NCLN: variants seen among roughly 807,000 people sequenced by gnomAD.
NCLN encodes nicalin.
A neutral mutation model predicts 69.5 loss-of-function variants in NCLN; 34 were observed. The ratio of observed to expected loss-of-function variants is 0.49; its 90% confidence interval spans 0.37 to 0.65. The LOEUF is 0.65. NCLN is among the 30% of genes least tolerant of loss of function. The probability of loss-of-function intolerance (pLI) is 0.00; values close to 1 mark genes in which losing one functional copy is unlikely to be tolerated. For missense variants in NCLN, 710 were observed against 804.8 expected, an observed-to-expected ratio of 0.88 and a Z score of 1.42; for synonymous variants, 393 against 358.3, an observed-to-expected ratio of 1.10 and a Z score of -1.09.
intron 3 of NCLN, among the ~76,000 whole-genome samples, chr19:3,195,051 G>A (rs1280992964): frequency 5.3e-5 from 8 of 151,828 alleles, no homozygotes; most frequent in African/African-American, 9.7e-5. Context: ...GTGCATGCCT[G>A]TAGTCCCAGC....
At chr19:3,196,308 A>G in intron 4 of NCLN, 31 bp downstream of exon 4, 3 of 1,483,996 alleles carry the variant, frequency 2.0e-6, no homozygotes, top group Non-Finnish European at 2.7e-6. Context: ...AGCCAGCCCC[A>G]CGTCCCCAGG....
chr19:3,187,863 G>A (rs1313235564), intron 1 of NCLN, among the ~76,000 whole-genome samples: 1 of 152,234 alleles, frequency 6.6e-6, no homozygotes, highest in South Asian at 2.1e-4. Flanking sequence ...CGCGTTTTCC[G>A]TGCTGCTTGG....
chr19:3,190,066 T>C (rs1300603924), intron 1 of NCLN, among the ~76,000 whole-genome samples: 1 of 152,162 alleles, frequency 6.6e-6, no homozygotes, highest in Non-Finnish European at 1.5e-5. Flanking sequence ...CCAGTTGGCC[T>C]CATCTCCCGG....
At chr19:3,201,458 C>A in intron 5 of NCLN, 65 bp from the exon 6 acceptor site, 1 of 1,180,326 alleles carries the variant, frequency 8.5e-7, no homozygotes, top group Non-Finnish European at 1.2e-6. Context: ...CTGCTGTGGG[C>A]GGAGGTCATG....
At chr19:3,206,525 G>A in intron 12 of NCLN, 100 bp downstream of exon 12, 1 of 1,389,280 alleles carries the variant, frequency 7.2e-7, no homozygotes, top group Non-Finnish European at 9.5e-7. Flanking sequence ...GATGCCAGGT[G>A]GAGCAAATAC....
At chr19:3,196,611 G>C (rs999244920) in intron 4 of NCLN, among the ~76,000 whole-genome samples, 1 of 152,070 alleles carries the variant, frequency 6.6e-6, no homozygotes, top group Non-Finnish European at 1.5e-5. Flanking sequence ...CCCCCTCCAG[G>C]CTGCAGTGTC....
intron 1 of NCLN, among the ~76,000 whole-genome samples, chr19:3,189,386 TGTTAATAAA>T (rs1394606177): frequency 6.6e-6 from 1 of 152,240 alleles, no homozygotes; most frequent in Non-Finnish European, 1.5e-5. Context: ...TGCCTGTTGT[TGTTAATAAA>T]GTTTTATCGG....
chr19:3,205,881 G>A lies in NCLN; in HGVS notation c.1209-58G>A, dbSNP rs752123985. 1 of 1,512,570 alleles carries A rather than the reference G, an allele frequency of 6.6e-7. No homozygotes were observed. The highest frequency in any genetic ancestry group is 1.7e-5 in the Admixed American group (1 of 59,706). The allele number at this position is 1,512,570 out of a possible 1,614,324, so 93.7% of individuals were successfully genotyped here. ...TGGAGTGCTGGGATTACAAGTGTGA[G>A]AGCTACCTTGCCTGGCCCAAAGTCC... On this transcript the variant is annotated intron_variant, in intron 9 of 14. Coordinates refer to ENST00000246117, the MANE Select transcript of NCLN (RefSeq NM_020170.4). The surrounding 1 kb of genome is among the most constrained non-coding windows in gnomAD (Gnocchi z 4.6).
At chr19:3,197,362 A>G (rs918747898) in intron 4 of NCLN, among the ~76,000 whole-genome samples, 1 of 152,262 alleles carries the variant, frequency 6.6e-6, no homozygotes, top group African/African-American at 2.4e-5. Flanking sequence ...CAAAAACAGC[A>G]AGTAGACTCC....
chr19:3,207,794 C>T lies in NCLN; in HGVS notation c.*106C>T. 1 of 883,544 alleles carries T rather than the reference C, an allele frequency of 1.1e-6. No individual in the cohort carries two copies. The highest frequency in any genetic ancestry group is 1.5e-5 in the South Asian group (1 of 67,696). 54.7% of individuals were successfully genotyped at this position (883,544 alleles called of 1,614,324 possible). A position where few individuals can be genotyped will look rare whatever the true frequency, so the allele number is the denominator to read the frequency against. On this transcript the variant is annotated 3_prime_UTR_variant, in exon 15 of 15. Coordinates refer to ENST00000246117, the MANE Select transcript of NCLN (RefSeq NM_020170.4). ...GCGGGCGGCCCTGCAGGGACAGGGG[C>T]CCTCTCCCTCCCCGGCGGTGGTTGG...
chr19:3,198,431 C>T (rs111757420), intron 4 of NCLN, among the ~76,000 whole-genome samples: 3,684 of 148,468 alleles, frequency 0.025, 157 homozygotes, highest in African/African-American at 0.087. Flanking sequence ...GGCGTGAACC[C>T]GGGAGGTGGA....
At chr19:3,193,896 A>G (rs187170819) in intron 3 of NCLN, among the ~76,000 whole-genome samples, 14 of 152,370 alleles carry the variant, frequency 9.2e-5, no homozygotes, top group African/African-American at 3.1e-4. Flanking sequence ...AACTCAGAGC[A>G]GGAACCCGGA....
At chr19:3,186,420 G>C (rs1212907860) in intron 1 of NCLN, among the ~76,000 whole-genome samples, 1 of 151,898 alleles carries the variant, frequency 6.6e-6, no homozygotes, top group East Asian at 2.0e-4. Context: ...GACCCCCCGC[G>C]CTCGCTCCCA....
rs535511149 is a variant in NCLN at position 3,198,745 on chromosome 19, G to T, written c.616-72G>T. ...GGCCCCACGTGGCCCAGAGGGGAGG[G>T]GTCTCCAAGCCCCACACACGGGTCA... On this transcript the variant is annotated intron_variant, in intron 4 of 14. Transcript: ENST00000246117. The T allele has an allele frequency of 2.3e-6, 3 of 1,288,202 alleles. No homozygotes were observed. The East Asian group carries it at 8.0e-5, about 34-fold the overall frequency. The allele number at this position is 1,288,202 out of a possible 1,614,324, so 79.8% of individuals were successfully genotyped here.
intron 3 of NCLN, among the ~76,000 whole-genome samples, chr19:3,194,703 C>T (rs1915912673): frequency 6.6e-6 from 1 of 151,232 alleles, no homozygotes; most frequent in Non-Finnish European, 1.5e-5. Context: ...CTGCAGATAC[C>T]TAAGTATCCT....
At position 3,206,447 on chromosome 19, in the gene NCLN, G is replaced by T. The variant is rs201389835; in HGVS notation, c.1499+22G>T. ...AGCGGTGAGGCTGGGGCTCCGCGCT[G>T]GCCCCGTTCAGCCTGGGGCCGAGGG... On this transcript the variant is annotated intron_variant, in intron 12 of 14. Coordinates refer to ENST00000246117, the MANE Select transcript of NCLN (RefSeq NM_020170.4). 5.6e-4 allele frequency: 859 copies of T among 1,539,532 alleles called. 4 individuals are homozygous for T. In the African/African-American group the frequency reaches 0.011, roughly 20 times the overall value.
At chr19:3,189,698 G>A (rs754204766) in intron 1 of NCLN, among the ~76,000 whole-genome samples, 3 of 152,264 alleles carry the variant, frequency 2.0e-5, no homozygotes, top group Non-Finnish European at 2.9e-5. Context: ...GCAGAGGGCC[G>A]TGTCCACACT....
In NCLN at chr19:3,204,602, G is replaced by A. The variant is rs760026961; in HGVS notation, c.1059G>A (p.Arg353=). Residue 353 remains arginine (R), a synonymous_variant, in exon 9 of 15, where the codon CGG becomes CGA. Coordinates refer to ENST00000246117, the MANE Select transcript of NCLN (RefSeq NM_020170.4). The part of the protein sequence containing the change: ...TVAAHQFPEV[R]FSMVHKRINL... ...CCGCGCACCAGTTCCCTGAGGTACG[G>A]TTCTCCATGGTGCACAAGCGGATCA... 6.3e-7 allele frequency: 1 copy of A among 1,580,568 alleles called. No homozygotes were observed. The highest frequency in any genetic ancestry group is 1.1e-5 in the South Asian group (1 of 87,478).
chr19:3,204,466 C>T lies in NCLN; in HGVS notation c.1030-107C>T, dbSNP rs1054710057. ...CCCCGGGGGCAGGTGGATTTCTCCT[C>T]ATTTTGCACCCTCGGGGGTTCTGGG... On this transcript the variant is annotated intron_variant, in intron 8 of 14. Coordinates refer to ENST00000246117, the MANE Select transcript of NCLN (RefSeq NM_020170.4). 85 of 1,264,772 alleles carry T rather than the reference C, an allele frequency of 6.7e-5. No individual in the cohort carries two copies. In the South Asian group the frequency reaches 7.7e-4, roughly 11 times the overall value. The allele number at this position is 1,264,772 out of a possible 1,614,324, so 78.3% of individuals were successfully genotyped here. A position where few individuals can be genotyped will look rare whatever the true frequency, so the allele number is the denominator to read the frequency against.
Sources: allele counts gnomAD v4.1 joint callset (sites outside exome capture counted in the v4.1 genomes callset), GRCh38; gene constraint gnomAD v4.1.1; non-coding constraint Gnocchi (gnomAD v3.1); transcripts MANE v1.5; gene names NCBI Gene and HGNC (gene_info 2026-07-23, HGNC 2026-07-21).